The following SUCO variants were observed in gnomAD, a reference collection of about 807,000 sequenced individuals.
SUCO encodes SUN domain-containing ossification factor.
SUCO carries 57 observed loss-of-function variants against 148.1 expected under a neutral mutation model. The ratio of observed to expected loss-of-function variants is 0.38; its 90% CI spans 0.31 to 0.48. The LOEUF (loss-of-function observed/expected upper bound fraction) is 0.48, where lower values mean the gene tolerates loss of function less well. Ranked by LOEUF, SUCO falls within the 20% of genes least tolerant of loss-of-function variation. The probability of loss-of-function intolerance (pLI) is 0.96; values close to 1 mark genes in which losing one functional copy is unlikely to be tolerated. For synonymous variants in SUCO, 470 were observed against 502.7 expected, an observed-to-expected ratio of 0.93 and a Z score of 0.87; for missense variants, 1,331 against 1,468.2, an observed-to-expected ratio of 0.91 and a Z score of 1.53.
chr1:172,599,818 G>A (rs1205392732), intron 19 of SUCO, among the ~76,000 whole-genome samples: 1 of 152,194 alleles, frequency 6.6e-6, no homozygotes, highest in African/African-American at 2.4e-5. Context: ...ATTTCACATT[G>A]TAGCAGTGGG....
chr1:172,590,947 A>G, intron 18 of SUCO, 37 bp from the exon 19 acceptor site: 1 of 1,447,736 alleles, frequency 6.9e-7, no homozygotes, highest in Non-Finnish European at 9.6e-7. Context: ...AATAAGTAAG[A>G]AATTAAAGCT....
chr1:172,574,230 T>C (rs147434155), intron 10 of SUCO, among the ~76,000 whole-genome samples: 4 of 152,114 alleles, frequency 2.6e-5, no homozygotes, highest in African/African-American at 4.8e-5. Flanking sequence ...TCTCTTATAA[T>C]GTGGGGAAAC....
intron 2 of SUCO, among the ~76,000 whole-genome samples, chr1:172,552,349 G>A (rs1396522905): frequency 2.0e-5 from 3 of 151,570 alleles, no homozygotes; most frequent in Non-Finnish European, 4.4e-5. Context: ...ATTACAAATT[G>A]CCATCCCCCT....
Position 172,586,232 on chromosome 1 carries a change from G to T in SUCO, c.1658+284G>T, listed in dbSNP as rs78458995. 4.8e-3 allele frequency among the ~76,000 whole-genome samples: 736 copies of T among 152,144 alleles called. 3 individuals are homozygous for T. The highest frequency in any genetic ancestry group is 0.017 in the African/African-American group (706 of 41,484). The stretch of plus-strand genomic sequence containing the variant: ...ACTCTTTTCCATACTGGAAATAATT[G>T]ACCTTACTCTGCAGGTATAGGCTTG... On this transcript the variant is annotated intron_variant, in intron 17 of 23. Coordinates refer to ENST00000263688, the MANE Select transcript of SUCO (RefSeq NM_014283.5).
At position 172,544,152 on chromosome 1, in the gene SUCO, CTAAT is replaced by C; in HGVS notation, c.63-7358_63-7355del. 3 of 980,166 alleles carry C rather than the reference CTAAT, an allele frequency of 3.1e-6. No individual in the cohort carries two copies. In the South Asian group the frequency reaches 1.4e-4, roughly 46 times the overall value. The allele number at this position is 980,166 out of a possible 1,614,324, so 60.7% of individuals were successfully genotyped here. ...CACTGATAACTTTAACCATACTGCG[CTAAT>C]TGAGTGGCTGGCACTATATTTCTGT... On this transcript the variant is annotated intron_variant, in intron 1 of 23. Coordinates refer to ENST00000263688, the MANE Select transcript of SUCO (RefSeq NM_014283.5).
intron 19 of SUCO, among the ~76,000 whole-genome samples, chr1:172,592,023 A>T (rs1269066169): frequency 6.6e-6 from 1 of 152,198 alleles, no homozygotes; most frequent in African/African-American, 2.4e-5. Flanking sequence ...CATTTCTCTG[A>T]TGACCAGTGA....
At chr1:172,565,823 G>A (rs1654509392) in intron 6 of SUCO, among the ~76,000 whole-genome samples, 1 of 152,246 alleles carries the variant, frequency 6.6e-6, no homozygotes, top group African/African-American at 2.4e-5. Context: ...AGTGGAAGAG[G>A]TGCTCAGGAT....
rs1338830362 is a variant in SUCO at position 172,600,122 on chromosome 1, A to G, written c.2972A>G (p.Gln991Arg). 3 of 1,611,728 alleles carry G rather than the reference A, an allele frequency of 1.9e-6. No individual in the cohort carries two copies. Among genetic ancestry groups the G allele is most frequent in the Non-Finnish European group, 2.5e-6 (3 of 1,179,640 alleles). Reference protein sequence around the residue: ...LLQAQLTNMTQLVSNLSATVA... With the variant: ...LLQAQLTNMTRLVSNLSATVA... ...CAGGCACAGCTGACCAACATGACAC[A>G]GCTTGTTTCAAATTTATCAGCAACA... The change falls in exon 20 of 24, where the codon CAG (glutamine) becomes CGG (arginine). Residue 991 changes from glutamine to arginine, a missense_variant. Coordinates refer to ENST00000263688, the MANE Select transcript of SUCO (RefSeq NM_014283.5).
chr1:172,551,770 A>G (rs1402774955), intron 2 of SUCO, 144 bp downstream of exon 2: 4 of 577,424 alleles, frequency 6.9e-6, no homozygotes, highest in Non-Finnish European at 1.2e-5. Context: ...TACTCAGGTA[A>G]TTCTTAAATT....
intron 22 of SUCO, among the ~76,000 whole-genome samples, chr1:172,605,358 A>G (rs866045796): frequency 1.3e-5 from 2 of 151,870 alleles, no homozygotes; most frequent in African/African-American, 4.8e-5. Context: ...ATAAGGGTCC[A>G]GTTTCATTCT....
chr1:172,555,452 ATATCT>A (rs1653661733), intron 3 of SUCO: 1 of 972,732 alleles, frequency 1.0e-6, no homozygotes, highest in Non-Finnish European at 1.2e-6. Flanking sequence ...TTACTTGAAC[ATATCT>A]TATATCGTTG....
At chr1:172,604,016 T>G (rs558309858) in intron 22 of SUCO, among the ~76,000 whole-genome samples, 1 of 152,116 alleles carries the variant, frequency 6.6e-6, no homozygotes, top group East Asian at 1.9e-4. Flanking sequence ...ATGTGTGTGT[T>G]CAGCTTTAGT....
chr1:172,566,249 A>G (rs1164571275), intron 6 of SUCO, among the ~76,000 whole-genome samples: 1 of 152,196 alleles, frequency 6.6e-6, no homozygotes, highest in Non-Finnish European at 1.5e-5. Flanking sequence ...ACCTGCTGCC[A>G]TGTCTTGCTG....
chr1:172,610,463 A>G lies in SUCO; in HGVS notation c.*204A>G, dbSNP rs920037080. On this transcript the variant is annotated 3_prime_UTR_variant, in exon 24 of 24. Transcript: ENST00000263688. ...AGTTTTACAAAGCTGATCACTTCCT[A>G]TAAGGACAATGGTAGACATTTTATA... 7 of 663,016 alleles carry G rather than the reference A, an allele frequency of 1.1e-5. No individual in the cohort carries two copies. Among genetic ancestry groups the G allele is most frequent in the African/African-American group, 3.8e-5 (2 of 53,042 alleles). The allele number at this position is 663,016 out of a possible 1,614,324, so 41.1% of individuals were successfully genotyped here.
At position 172,570,817 on chromosome 1, in the gene SUCO, A is replaced by G; in HGVS notation, c.1049+87A>G. The G allele has an allele frequency of 3.8e-6, 3 of 795,016 alleles. 1 individual carries two copies. The South Asian group carries it at 5.0e-5, about 13-fold the overall frequency. The allele number at this position is 795,016 out of a possible 1,614,324, so 49.2% of individuals were successfully genotyped here. On this transcript the variant is annotated intron_variant, in intron 9 of 23. Transcript: ENST00000263688. The stretch of plus-strand genomic sequence containing the variant: ...TTACATTAGGGTTACATTGACATAT[A>G]ATAATTTAATAAGCTTTTATGATTG...
At chr1:172,558,385 A>T (rs1653897431) in intron 6 of SUCO, among the ~76,000 whole-genome samples, 1 of 152,202 alleles carries the variant, frequency 6.6e-6, no homozygotes, top group Admixed American at 6.5e-5. Context: ...GTATCAACAC[A>T]GCAATTTAAA....
chr1:172,603,660 TA>T (rs1479036306), intron 22 of SUCO, among the ~76,000 whole-genome samples: 1 of 152,038 alleles, frequency 6.6e-6, no homozygotes, highest in African/African-American at 2.4e-5. Flanking sequence ...TAATTATGTG[TA>T]AAACGTAATG....
intron 17 of SUCO, among the ~76,000 whole-genome samples, chr1:172,586,781 A>G (rs1656275174): frequency 2.0e-5 from 3 of 152,298 alleles, no homozygotes; most frequent in Middle Eastern, 3.4e-3. Context: ...TGAGAACTAT[A>G]CTATTTCAAA....
chr1:172,602,316 C>A, intron 21 of SUCO, 98 bp downstream of exon 21: 1 of 1,388,446 alleles, frequency 7.2e-7, no homozygotes, highest in Non-Finnish European at 9.5e-7. Context: ...GAGGTAATTT[C>A]TTTCCCTATA....
Sources: allele counts gnomAD v4.1 joint callset (sites outside exome capture counted in the v4.1 genomes callset), GRCh38; gene constraint gnomAD v4.1.1; transcripts MANE v1.5; gene names NCBI Gene and HGNC (gene_info 2026-07-23, HGNC 2026-07-21).